TAB2: variants seen among roughly 807,000 people sequenced by gnomAD.
TAB2 encodes TGF-beta activated kinase 1 (MAP3K7) binding protein 2.
Under a neutral mutation model 65.0 loss-of-function variants are expected in TAB2, and 3 were observed. The ratio of observed to expected loss-of-function variants is 0.05; its 90% CI spans 0.02 to 0.12. TAB2 has a LOEUF of 0.12. Among genes scored for constraint, TAB2 ranks in the 10% least tolerant of loss-of-function variants. The pLI is 1.00. For missense variants in TAB2, 623 were observed against 840.3 expected, an observed-to-expected ratio of 0.74 and a Z score of 3.20; for synonymous variants, 298 against 285.1, an observed-to-expected ratio of 1.05 and a Z score of -0.46.
intron 1 of TAB2, among the ~76,000 whole-genome samples, chr6:149,289,753 G>T (rs372399494): frequency 6.6e-6 from 1 of 152,224 alleles, no homozygotes; most frequent in African/African-American, 2.4e-5. Context: ...TCTCAGGAGG[G>T]CCTGAGAACA....
chr6:149,253,962 GAAA>G lies in TAB2; in HGVS notation c.-121+35187_-121+35189del, dbSNP rs1562389213. Among the ~76,000 whole-genome samples, 2 of 43,038 alleles carry G rather than the reference GAAA, an allele frequency of 4.6e-5. 1 individual carries two copies. Among genetic ancestry groups the G allele is most frequent in the African/African-American group, 1.9e-4 (2 of 10,516 alleles). 28.2% of individuals were successfully genotyped at this position (43,038 alleles called of 152,430 possible). ...AGAAAGAGAAAGAAAGAAAGAAAAA[GAAA>G]GAAAGAAAGAAAGAAAGAAAGAAAG... On this transcript the variant is annotated intron_variant, in intron 1 of 1. Coordinates refer to the TAB2 transcript ENST00000606202.
chr6:149,286,510 T>G (rs1228773996), intron 1 of TAB2, among the ~76,000 whole-genome samples: 1 of 152,244 alleles, frequency 6.6e-6, no homozygotes, highest in Non-Finnish European at 1.5e-5. Flanking sequence ...TGGTTCAAAC[T>G]TTTTGGAGAG....
chr6:149,369,205 T>C (rs1176920199), intron 1 of TAB2, among the ~76,000 whole-genome samples: 1 of 152,164 alleles, frequency 6.6e-6, no homozygotes, highest in African/African-American at 2.4e-5. Flanking sequence ...TGGTTTACCT[T>C]AGAAACAATA....
chr6:149,341,411 AC>A, intron 1 of TAB2, among the ~76,000 whole-genome samples: 1 of 152,300 alleles, frequency 6.6e-6, no homozygotes, highest in East Asian at 1.9e-4. Flanking sequence ...ACTTAAGTAT[AC>A]CCACATGTTT....
At chr6:149,391,740 C>G (rs929882787) in intron 3 of TAB2, among the ~76,000 whole-genome samples, 1 of 151,852 alleles carries the variant, frequency 6.6e-6, no homozygotes, top group Non-Finnish European at 1.5e-5. Flanking sequence ...ACAGCATCTC[C>G]GTTTGTTGCC....
chr6:149,357,214 G>A (rs1156940650), intron 1 of TAB2, among the ~76,000 whole-genome samples: 1 of 151,990 alleles, frequency 6.6e-6, no homozygotes. Context: ...TCAGGAGTTC[G>A]AGAGCAGCCT....
At chr6:149,372,497 T>C (rs1020662494) in intron 2 of TAB2, 1 of 152,148 alleles carries the variant, frequency 6.6e-6, no homozygotes, top group Non-Finnish European at 1.5e-5. Flanking sequence ...ATAAAATAAT[T>C]AAGCTTTAAC....
chr6:149,303,242 T>C (rs612749), intron 1 of TAB2, among the ~76,000 whole-genome samples: 49,692 of 152,162 alleles, frequency 0.33, 8,185 homozygotes, highest in East Asian at 0.41. Context: ...TGTAATGCTC[T>C]TGTGGCCTTG....
chr6:149,334,729 T>C (rs1779883748), intron 1 of TAB2, among the ~76,000 whole-genome samples: 1 of 150,872 alleles, frequency 6.6e-6, no homozygotes, highest in South Asian at 2.1e-4. Flanking sequence ...AAACAAGAGG[T>C]CATGGTGTTA....
intron 1 of TAB2, among the ~76,000 whole-genome samples, chr6:149,339,937 G>A (rs528033056): frequency 4.4e-4 from 67 of 152,146 alleles, no homozygotes; most frequent in African/African-American, 1.5e-3. Flanking sequence ...CATATTTACT[G>A]TATATAAATG....
At chr6:149,312,527 T>G (rs975912059) in intron 1 of TAB2, among the ~76,000 whole-genome samples, 2 of 152,228 alleles carry the variant, frequency 1.3e-5, no homozygotes, top group Non-Finnish European at 2.9e-5. Context: ...CACGCCCGAC[T>G]AATTTTTGTA....
intron 1 of TAB2, among the ~76,000 whole-genome samples, chr6:149,357,430 A>AAAACACACACACACAC: frequency 2.7e-5 from 3 of 111,140 alleles, no homozygotes; most frequent in East Asian, 3.1e-4. Flanking sequence ...AGAAAAAAAA[A>AAAACACACACACACAC]ACACACACAC....
upstream of TAB2, among the ~76,000 whole-genome samples, chr6:149,317,231 G>A (rs1189133460): frequency 1.3e-5 from 2 of 151,816 alleles, no homozygotes; most frequent in Non-Finnish European, 3.0e-5. The surrounding 1 kb of genome is among the most constrained non-coding windows in gnomAD (Gnocchi z 4.7). Context: ...TACCCCCAAG[G>A]ATGGGGGGCC....
At chr6:149,357,468 T>C (rs1205336442) in intron 1 of TAB2, among the ~76,000 whole-genome samples, 2 of 113,412 alleles carry the variant, frequency 1.8e-5, no homozygotes, top group East Asian at 2.6e-4. Context: ...CACACACACA[T>C]TTTAGCCTTG....
rs370037503 is a variant in TAB2, at chr6:149,265,458, C to T, written c.-121+46682C>T. On this transcript the variant is annotated intron_variant, in intron 1 of 1. Transcript: ENST00000606202. ...GCTTCCCACAATTGGGATAACATTT[C>T]ATATCCACAGGAATGGAAATCATAA... 7.2e-5 allele frequency among the ~76,000 whole-genome samples: 11 copies of T among 152,222 alleles called. No individual in the cohort carries two copies. In the South Asian group the frequency reaches 2.1e-3, roughly 29 times the overall value.
At chr6:149,359,084 G>A (rs1438666177) in intron 1 of TAB2, among the ~76,000 whole-genome samples, 1 of 151,674 alleles carries the variant, frequency 6.6e-6, no homozygotes, top group Non-Finnish European at 1.5e-5. Flanking sequence ...TTCAGGTTCT[G>A]TTCTCTTACA....
At chr6:149,397,840 A>C in intron 4 of TAB2, 76 bp downstream of exon 4, 4 of 1,589,822 alleles carry the variant, frequency 2.5e-6, no homozygotes, top group Admixed American at 1.7e-5. Flanking sequence ...TAATATCTCT[A>C]TCTAGTTTTC....
intron 1 of TAB2, among the ~76,000 whole-genome samples, chr6:149,259,857 C>T (rs1778116424): frequency 6.6e-6 from 1 of 152,206 alleles, no homozygotes; most frequent in African/African-American, 2.4e-5. Context: ...CCTGGCCCCT[C>T]CCCTTGGTTC....
intron 1 of TAB2, among the ~76,000 whole-genome samples, chr6:149,236,355 C>T (rs147404601): frequency 1.2e-4 from 19 of 152,336 alleles, no homozygotes; most frequent in African/African-American, 4.6e-4. Context: ...TTCTATATCT[C>T]TAAATAAGTA....
Sources: allele counts gnomAD v4.1 joint callset (sites outside exome capture counted in the v4.1 genomes callset), GRCh38; gene constraint gnomAD v4.1.1; non-coding constraint Gnocchi (gnomAD v3.1); transcripts MANE v1.5; gene names NCBI Gene and HGNC (gene_info 2026-07-23, HGNC 2026-07-21).